Variants in NDC1 observed in about 807,000 individuals in gnomAD.
NDC1 encodes nucleoporin NDC1.
Under a neutral mutation model 89.8 loss-of-function variants are expected in NDC1, and 24 were observed. The observed-to-expected ratio is 0.27, with a 90% CI of 0.19 to 0.38. The LOEUF is 0.38. NDC1 is among the 10% of genes least tolerant of loss of function. The probability of loss-of-function intolerance (pLI) is 1.00; values close to 1 mark genes in which losing one functional copy is unlikely to be tolerated. For missense variants in NDC1, 728 were observed against 797.6 expected (o/e 0.91, Z 1.05); for synonymous variants, 296 against 284.8 (o/e 1.04, Z -0.39).
At chr1:53,808,861 C>G (rs575744876) in intron 7 of NDC1, among the ~76,000 whole-genome samples, 1 of 152,170 alleles carries the variant, frequency 6.6e-6, no homozygotes, top group Non-Finnish European at 1.5e-5. Context: ...CATAATATCT[C>G]TTAAATACCA....
chr1:53,814,008 T>C (rs937141450), intron 6 of NDC1, among the ~76,000 whole-genome samples: 1 of 152,158 alleles, frequency 6.6e-6, no homozygotes, highest in Non-Finnish European at 1.5e-5. Flanking sequence ...GGCAATTAAA[T>C]AATCTGCTCC....
At chr1:53,779,156 A>G (rs1196503573) in intron 16 of NDC1, among the ~76,000 whole-genome samples, 6 of 151,386 alleles carry the variant, frequency 4.0e-5, no homozygotes, top group Non-Finnish European at 7.4e-5. Flanking sequence ...GTCATGTAAC[A>G]TAGGAATAAT....
Position 53,772,331 on chromosome 1 carries a change from C to G in NDC1, c.1959G>C (p.Leu653=), listed in dbSNP as rs1177104324. ...YRITTTFGEH[L]NAVQASAEHQ... ...TGGATCAAAACAGGTAAACTTACTTCAGATGTTCACCAAATGTAGTAGTTA... is the reference window on the plus strand; with the variant it reads ...TGGATCAAAACAGGTAAACTTACTTGAGATGTTCACCAAATGTAGTAGTTA... Residue 653 remains leucine, a splice_region_variant and synonymous_variant, in exon 17 of 18, where the codon CTG becomes CTC. Coordinates refer to ENST00000371429, the MANE Select transcript of NDC1 (RefSeq NM_018087.5). The G allele has an allele frequency of 2.5e-6, 4 of 1,613,112 alleles. No individual in the cohort carries two copies. The highest frequency in any genetic ancestry group is 3.4e-6 in the Non-Finnish European group (4 of 1,179,356).
intron 9 of NDC1, among the ~76,000 whole-genome samples, chr1:53,804,747 G>A (rs1250402725): frequency 6.6e-6 from 1 of 151,476 alleles, no homozygotes; most frequent in Non-Finnish European, 1.5e-5. Flanking sequence ...AAAGTGCTGG[G>A]ATTACAGGCA....
In NDC1 at chr1:53,828,064, C is replaced by G; in HGVS notation, c.390G>C (p.Trp130Cys). The change falls in exon 4 of 18, where the codon TGG becomes TGC. Residue 130 changes from tryptophan (W) to cysteine (C), a missense_variant. Transcript: ENST00000371429. ...IHAAMGMVMA[W>C]CAAVITQGQY... The stretch of plus-strand genomic sequence containing the variant: ...GGCCCTGGGTTATCACTGCAGCACA[C>G]CAGGCCATCACCATTCCCATTGCAG... 1 of 1,614,084 alleles carries G rather than the reference C, an allele frequency of 6.2e-7. No homozygotes were observed. The highest frequency in any genetic ancestry group is 1.1e-5 in the South Asian group (1 of 91,066).
chr1:53,793,911 A>G (rs934060114), intron 13 of NDC1, among the ~76,000 whole-genome samples: 8 of 152,058 alleles, frequency 5.3e-5, no homozygotes, highest in Non-Finnish European at 1.2e-4. Context: ...TCGATTCTCT[A>G]TAACTGTCCT....
At chr1:53,806,783 G>A (rs920790912) in intron 8 of NDC1, among the ~76,000 whole-genome samples, 3 of 151,898 alleles carry the variant, frequency 2.0e-5, no homozygotes, top group East Asian at 1.9e-4. Flanking sequence ...ACAAACCTAC[G>A]GAGATTGTAA....
At chr1:53,817,101 A>C (rs918654712) in intron 6 of NDC1, among the ~76,000 whole-genome samples, 2 of 152,214 alleles carry the variant, frequency 1.3e-5, no homozygotes, top group African/African-American at 4.8e-5. Flanking sequence ...AAGAACTAAA[A>C]GTAGAACTAC....
chr1:53,835,934 T>C (rs1050513145), intron 1 of NDC1, among the ~76,000 whole-genome samples: 11 of 152,310 alleles, frequency 7.2e-5, no homozygotes, highest in East Asian at 1.9e-4. Flanking sequence ...TATATTAATA[T>C]ATAAAGGCTG....
intron 16 of NDC1, among the ~76,000 whole-genome samples, chr1:53,777,991 G>A (rs772187419): frequency 1.5e-4 from 23 of 152,082 alleles, no homozygotes; most frequent in African/African-American, 3.4e-4. Flanking sequence ...GTGCCACCGC[G>A]CCCGGAGAAT....
chr1:53,814,955 T>C (rs1648430192), intron 6 of NDC1, among the ~76,000 whole-genome samples: 1 of 152,156 alleles, frequency 6.6e-6, no homozygotes, highest in African/African-American at 2.4e-5. Flanking sequence ...GAGATTGAAA[T>C]GGTAATTTTA....
chr1:53,825,460 A>AAAAAAAAAAAAAAAAAAAG lies in NDC1; in HGVS notation c.594+337_594+338insCTTTTTTTTTTTTTTTTTT, dbSNP rs1039370528. Among the ~76,000 whole-genome samples the AAAAAAAAAAAAAAAAAAAG allele has an allele frequency of 6.2e-3, 879 of 141,730 alleles. 16 individuals carry two copies. The highest frequency in any genetic ancestry group is 0.01 in the Non-Finnish European group (660 of 63,626). 93.0% of individuals were successfully genotyped at this position (141,730 alleles called of 152,430 possible). ...AAGAAGCGAGACTGTCTCCAAAAAA[A>AAAAAAAAAAAAAAAAAAAG]AAGAAGCTACACAGAGTACTTTGCA... On this transcript the variant is annotated intron_variant, in intron 5 of 17. Transcript: ENST00000371429.
intron 11 of NDC1, among the ~76,000 whole-genome samples, chr1:53,797,371 C>CT (rs11423339): frequency 0.25 from 37,981 of 152,008 alleles, 5,667 homozygotes; most frequent in African/African-American, 0.42. Flanking sequence ...TATAGTCTCT[C>CT]TTTTTCCCCC....
At chr1:53,778,260 T>TACACACACACAC (rs202023880) in intron 16 of NDC1, among the ~76,000 whole-genome samples, 3 of 144,700 alleles carry the variant, frequency 2.1e-5, no homozygotes, top group East Asian at 4.1e-4. Flanking sequence ...TGTGTGTATA[T>TACACACACACAC]ACACACACAC....
chr1:53,819,022 C>T lies in NDC1; in HGVS notation c.652G>A (p.Val218Met). ...SLLLLVKHSC[V>M]ESLFLVRNFC... ...TTTCTAACCAGGAACAGTGATTCCA[C>T]ACAACTGTGTTTAACTAATAAGAGC... Residue 218 changes from valine (V) to methionine (M), a missense_variant, in exon 6 of 18, where the codon GTG (valine) becomes ATG (methionine). Coordinates refer to ENST00000371429, the MANE Select transcript of NDC1 (RefSeq NM_018087.5). The T allele has an allele frequency of 6.3e-7, 1 of 1,580,210 alleles. No individual in the cohort carries two copies.
intron 16 of NDC1, among the ~76,000 whole-genome samples, chr1:53,774,631 G>GGGAGGC (rs1647146745): frequency 3.9e-5 from 6 of 152,198 alleles, no homozygotes; most frequent in South Asian, 2.1e-4. Flanking sequence ...GCTCACACTT[G>GGGAGGC]TAATCCCAGC....
chr1:53,820,701 C>CTTTTT (rs927514677), intron 5 of NDC1, among the ~76,000 whole-genome samples: 31 of 74,890 alleles, frequency 4.1e-4, no homozygotes, highest in East Asian at 7.9e-4. Flanking sequence ...ACTTCTCTCT[C>CTTTTT]TTTTTTTTTT....
At chr1:53,814,291 C>G (rs1648408409) in intron 6 of NDC1, among the ~76,000 whole-genome samples, 1 of 152,102 alleles carries the variant, frequency 6.6e-6, no homozygotes, top group Non-Finnish European at 1.5e-5. Flanking sequence ...GGAGGTGGAG[C>G]TTGCAGTGAG....
chr1:53,780,677 C>T (rs1647198512), intron 16 of NDC1, among the ~76,000 whole-genome samples: 2 of 151,970 alleles, frequency 1.3e-5, no homozygotes, highest in South Asian at 4.1e-4. Context: ...GGCCTTTCCA[C>T]AGAAACCAAG....
Sources: allele counts gnomAD v4.1 joint callset (sites outside exome capture counted in the v4.1 genomes callset), GRCh38; gene constraint gnomAD v4.1.1; transcripts MANE v1.5; gene names NCBI Gene and HGNC (gene_info 2026-07-23, HGNC 2026-07-21).